Variants in TM7SF3 observed in about 807,000 individuals in gnomAD.
TM7SF3 encodes transmembrane 7 superfamily member 3, also known as seven span transmembrane protein.
Under a neutral mutation model 65.5 loss-of-function variants are expected in TM7SF3, and 60 were observed. That is an observed-to-expected ratio of 0.92 (90% CI 0.74 to 1.14). The LOEUF is 1.14. Among genes scored for constraint, TM7SF3 ranks in the 50% most tolerant of loss-of-function variants. The probability of loss-of-function intolerance (pLI) is 0.00; values close to 1 mark genes in which losing one functional copy is unlikely to be tolerated. For synonymous variants in TM7SF3, 264 were observed against 259.6 expected (o/e 1.02, Z -0.16); for missense variants, 623 against 684.8 (o/e 0.91, Z 1.01).
rs746711066 is a variant in TM7SF3 at position 26,973,786 on chromosome 12, C to T, written c.*179G>A. On this transcript the variant is annotated 3_prime_UTR_variant, in exon 12 of 12. Transcript: ENST00000343028. ...CAACCTTTTGGTCATCTTTCTCATT[C>T]TCTTACAATCATCCTAATCCCCTAG... 35 of 712,966 alleles carry T rather than the reference C, an allele frequency of 4.9e-5. No homozygotes were observed. The highest frequency in any genetic ancestry group is 6.9e-5 in the Non-Finnish European group (33 of 480,764). The allele number at this position is 712,966 out of a possible 1,614,324, so 44.2% of individuals were successfully genotyped here. A position where few individuals can be genotyped will look rare whatever the true frequency, so the allele number is the denominator to read the frequency against.
At chr12:26,980,893 T>G (rs1939786837) in intron 7 of TM7SF3, among the ~76,000 whole-genome samples, 1 of 152,230 alleles carries the variant, frequency 6.6e-6, no homozygotes. Flanking sequence ...CTTTCTTGTA[T>G]ATAGGTCAGT....
At chr12:27,011,108 A>G (rs999890055) in intron 1 of TM7SF3, among the ~76,000 whole-genome samples, 6 of 152,196 alleles carry the variant, frequency 3.9e-5, no homozygotes, top group Non-Finnish European at 5.9e-5. Context: ...CCAATTTCTC[A>G]TTGTTATCTT....
intron 2 of TM7SF3, 65 bp from the exon 3 acceptor site, chr12:26,999,741 T>G: frequency 6.4e-7 from 1 of 1,563,720 alleles, no homozygotes; most frequent in Admixed American, 1.7e-5. Context: ...ACTGAGCTGA[T>G]CCAGTGTGCA....
At chr12:26,980,894 A>G (rs540631982) in intron 7 of TM7SF3, among the ~76,000 whole-genome samples, 1 of 152,360 alleles carries the variant, frequency 6.6e-6, no homozygotes, top group Admixed American at 6.5e-5. Flanking sequence ...TTTCTTGTAT[A>G]TAGGTCAGTT....
intron 9 of TM7SF3, among the ~76,000 whole-genome samples, chr12:26,976,872 C>A (rs371749350): frequency 2.0e-5 from 3 of 152,182 alleles, no homozygotes; most frequent in East Asian, 3.8e-4. Context: ...TGCCACTGCA[C>A]ACTGTGACAT....
chr12:27,014,013 AT>A, intron 1 of TM7SF3, 64 bp downstream of exon 1: 1 of 1,401,336 alleles, frequency 7.1e-7, no homozygotes, highest in Non-Finnish European at 9.9e-7. Flanking sequence ...CCCCTGGCGG[AT>A]TTTGACCTCG....
intron 6 of TM7SF3, among the ~76,000 whole-genome samples, chr12:26,987,697 T>C (rs1414757166): frequency 1.3e-5 from 2 of 152,168 alleles, no homozygotes; most frequent in South Asian, 2.1e-4. Context: ...TAGTAATAAA[T>C]GTTTCAGGCA....
chr12:26,999,764 A>T lies in TM7SF3; in HGVS notation c.247-88T>A. On this transcript the variant is annotated intron_variant, in intron 2 of 11. Transcript: ENST00000343028. ...GATCCAGTGTGCATGTCCTATTCCAAATCTTCCCAAAACAAATAGAAAAAA... is the reference window on the plus strand; with the variant it reads ...GATCCAGTGTGCATGTCCTATTCCATATCTTCCCAAAACAAATAGAAAAAA... 3 of 1,361,890 alleles carry T rather than the reference A, an allele frequency of 2.2e-6. No homozygotes were observed. The East Asian group carries it at 6.9e-5, about 32-fold the overall frequency. The allele number at this position is 1,361,890 out of a possible 1,614,324, so 84.4% of individuals were successfully genotyped here. A position where few individuals can be genotyped will look rare whatever the true frequency, so the allele number is the denominator to read the frequency against.
chr12:26,982,870 A>T lies in TM7SF3; in HGVS notation c.869-11T>A. 6.3e-7 allele frequency: 1 copy of T among 1,578,122 alleles called. No homozygotes were observed. The highest frequency in any genetic ancestry group is 8.6e-7 in the Non-Finnish European group (1 of 1,161,714). On this transcript the variant is annotated splice_polypyrimidine_tract_variant and intron_variant, in intron 6 of 11. Coordinates refer to ENST00000343028, the MANE Select transcript of TM7SF3 (RefSeq NM_016551.3). ...TGGAAGACACTCTTCCTAAAAAATAATGAAAATTTAGTGGATAATACATCC... is the reference window on the plus strand; with the variant it reads ...TGGAAGACACTCTTCCTAAAAAATATTGAAAATTTAGTGGATAATACATCC...
chr12:26,996,400 T>G (rs1027200696), intron 4 of TM7SF3, among the ~76,000 whole-genome samples: 2 of 152,204 alleles, frequency 1.3e-5, no homozygotes, highest in Non-Finnish European at 2.9e-5. Context: ...ACAGCTTTAA[T>G]TAAAACAATG....
rs1939413372 is a variant in TM7SF3 at position 26,972,774 on chromosome 12, T to A, written c.*1191A>T. Among the ~76,000 whole-genome samples the A allele has an allele frequency of 6.6e-6, 1 of 152,016 alleles. No individual in the cohort carries two copies. The highest frequency in any genetic ancestry group is 6.6e-5 in the Admixed American group (1 of 15,260). On this transcript the variant is annotated 3_prime_UTR_variant, in exon 12 of 12. Transcript: ENST00000343028. ...CGGCAATATAGATTAAGGTGGGGGT[T>A]ATTTCCTAAAAACAAAAGTAATCCA...
chr12:27,012,405 T>C (rs569174970), intron 1 of TM7SF3, among the ~76,000 whole-genome samples: 64 of 152,306 alleles, frequency 4.2e-4, no homozygotes, highest in Non-Finnish European at 8.5e-4. Context: ...TTGGCCTCAG[T>C]CCTATATACA....
At position 26,972,304 on chromosome 12, in the gene TM7SF3, G is replaced by C. The variant is rs1217731156; in HGVS notation, c.*1661C>G. The C allele has an allele frequency of 2.6e-5, 4 of 152,140 alleles. No individual in the cohort carries two copies. The highest frequency in any genetic ancestry group is 5.9e-5 in the Non-Finnish European group (4 of 68,040). 9.4% of individuals were successfully genotyped at this position (152,140 alleles called of 1,614,324 possible). On this transcript the variant is annotated 3_prime_UTR_variant, in exon 12 of 12. Coordinates refer to ENST00000343028, the MANE Select transcript of TM7SF3 (RefSeq NM_016551.3). ...AAGGATGAAGCCTTTCTGTACAAAGGCTTTGTACAGAAATTATTAAAAACT... is the reference window on the plus strand; with the variant it reads ...AAGGATGAAGCCTTTCTGTACAAAGCCTTTGTACAGAAATTATTAAAAACT...
In TM7SF3 at chr12:26,972,328, C is replaced by T. The variant is rs1555213762; in HGVS notation, c.*1637G>A. ...GGCTTTGTACAGAAATTATTAAAAA[C>T]TATATTTTACACTAATGCTAACAGC... On this transcript the variant is annotated 3_prime_UTR_variant, in exon 12 of 12. Coordinates refer to ENST00000343028, the MANE Select transcript of TM7SF3 (RefSeq NM_016551.3). 1.3e-5 allele frequency: 2 copies of T among 152,120 alleles called. No homozygotes were observed. Among genetic ancestry groups the T allele is most frequent in the Non-Finnish European group, 1.5e-5 (1 of 68,022 alleles). The allele number at this position is 152,120 out of a possible 1,614,324, so 9.4% of individuals were successfully genotyped here. A position where few individuals can be genotyped will look rare whatever the true frequency, so the allele number is the denominator to read the frequency against.
At chr12:27,002,094 T>C (rs1482415884) in intron 2 of TM7SF3, among the ~76,000 whole-genome samples, 1 of 151,748 alleles carries the variant, frequency 6.6e-6, no homozygotes, top group East Asian at 1.9e-4. Flanking sequence ...TTTCCAAACC[T>C]CTATGGTAGG....
chr12:26,995,797 C>T lies in TM7SF3; in HGVS notation c.519-389G>A, dbSNP rs193108706. Among the ~76,000 whole-genome samples, 410 of 152,260 alleles carry T rather than the reference C, an allele frequency of 2.7e-3. 5 individuals are homozygous for T. Among genetic ancestry groups the T allele is most frequent in the African/African-American group, 8.7e-3 (362 of 41,554 alleles). ...ACAACCCAGCAGTCTGTAACCTGGACGAGAACCTTCACCAGAACTCAACTG... is the reference window on the plus strand; with the variant it reads ...ACAACCCAGCAGTCTGTAACCTGGATGAGAACCTTCACCAGAACTCAACTG... On this transcript the variant is annotated intron_variant, in intron 4 of 11. Coordinates refer to ENST00000343028, the MANE Select transcript of TM7SF3 (RefSeq NM_016551.3).
At chr12:26,979,377 A>T (rs2136380890) in intron 9 of TM7SF3, 1 of 170,722 alleles carries the variant, frequency 5.9e-6, no homozygotes, top group South Asian at 1.6e-4. Flanking sequence ...AGGGTGATTA[A>T]GTACCTGAGG....
At chr12:26,997,412 CT>C (rs1025963501) in intron 3 of TM7SF3, among the ~76,000 whole-genome samples, 1 of 152,160 alleles carries the variant, frequency 6.6e-6, no homozygotes, top group African/African-American at 2.4e-5. Flanking sequence ...CTTTCATACT[CT>C]CCTTTTTCTG....
Position 27,014,247 on chromosome 12 carries a change from C to A in TM7SF3, c.-79G>T. The A allele has an allele frequency of 7.3e-7, 1 of 1,378,050 alleles. No individual in the cohort carries two copies. Among genetic ancestry groups the A allele is most frequent in the Non-Finnish European group, 9.7e-7 (1 of 1,030,348 alleles). 85.4% of individuals were successfully genotyped at this position (1,378,050 alleles called of 1,614,324 possible). A position where few individuals can be genotyped will look rare whatever the true frequency, so the allele number is the denominator to read the frequency against. On this transcript the variant is annotated 5_prime_UTR_variant, in exon 1 of 12. Coordinates refer to ENST00000343028, the MANE Select transcript of TM7SF3 (RefSeq NM_016551.3). ...GCGCGCCGGGGCCCCGCAGCCTCGC[C>A]CACGCTATCCCGGGGCGCCCGCATC...
Sources: allele counts gnomAD v4.1 joint callset (sites outside exome capture counted in the v4.1 genomes callset), GRCh38; gene constraint gnomAD v4.1.1; transcripts MANE v1.5; gene names NCBI Gene and HGNC (gene_info 2026-07-23, HGNC 2026-07-21).